Variants in ETF1 observed in about 807,000 individuals in gnomAD.
The protein encoded by ETF1 is eukaryotic peptide chain release factor subunit 1.
A neutral mutation model predicts 55.1 loss-of-function variants in ETF1; 4 were observed. The observed-to-expected ratio is 0.07, with a 90% CI of 0.04 to 0.17. The LOEUF (loss-of-function observed/expected upper bound fraction) is 0.17, where lower values mean the gene tolerates loss of function less well. Among genes scored for constraint, ETF1 ranks in the 10% least tolerant of loss-of-function variants. The pLI is 1.00. For synonymous variants in ETF1, 157 were observed against 182.3 expected (o/e 0.86, Z 1.12); for missense variants, 142 against 523.6 (o/e 0.27, Z 7.11).
intron 2 of ETF1, chr5:138,541,608 T>C: frequency 1.3e-6 from 2 of 1,530,158 alleles, no homozygotes; most frequent in Non-Finnish European, 1.7e-6. Flanking sequence ...ATTCTAAAAT[T>C]GCAAATCTAC....
At chr5:138,529,811 G>T in intron 2 of ETF1, 1 of 628,210 alleles carries the variant, frequency 1.6e-6, no homozygotes, top group Non-Finnish European at 2.0e-6. Flanking sequence ...GGAGTGCAGT[G>T]GCACAATCAC....
chr5:138,542,809 G>A, intron 2 of ETF1, 24 bp downstream of exon 2: 1 of 1,610,992 alleles, frequency 6.2e-7, no homozygotes, highest in Non-Finnish European at 8.5e-7. Context: ...AGAGGGCACG[G>A]AGGGTGCCGG....
chr5:138,523,212 C>CA (rs1158856105), intron 2 of ETF1, among the ~76,000 whole-genome samples: 1 of 150,504 alleles, frequency 6.6e-6, no homozygotes, highest in Non-Finnish European at 1.5e-5. Flanking sequence ...ACTAAAAATA[C>CA]AAAAATTAGC....
intron 2 of ETF1, 152 bp downstream of exon 2, chr5:138,542,681 C>T: frequency 6.9e-7 from 1 of 1,451,098 alleles, no homozygotes; most frequent in Non-Finnish European, 9.1e-7. Context: ...CGCCGACCCT[C>T]GCCCCTGGGT....
chr5:138,541,721 G>A (rs1051047035), intron 2 of ETF1: 63 of 1,134,940 alleles, frequency 5.6e-5, no homozygotes, highest in African/African-American at 9.8e-5. Context: ...TTCTAAGAAT[G>A]CTCAGACATA....
chr5:138,528,778 T>C (rs968427909), intron 2 of ETF1, among the ~76,000 whole-genome samples: 1 of 152,164 alleles, frequency 6.6e-6, no homozygotes, highest in Admixed American at 6.6e-5. Flanking sequence ...TGCAGATTAT[T>C]AAATGGATGG....
intron 2 of ETF1, among the ~76,000 whole-genome samples, chr5:138,523,492 C>G (rs905199688): frequency 3.9e-5 from 6 of 152,114 alleles, no homozygotes; most frequent in Admixed American, 2.0e-4. Context: ...CGAGACCACG[C>G]CACTGCACTC....
At chr5:138,517,842 T>G in intron 3 of ETF1, 142 bp from the exon 4 acceptor site, 1 of 1,290,000 alleles carries the variant, frequency 7.8e-7, no homozygotes, top group Non-Finnish European at 9.9e-7. Context: ...TTGAAATCTC[T>G]CAGGCAGAAC....
intron 2 of ETF1, among the ~76,000 whole-genome samples, chr5:138,526,557 G>T (rs1392286961): frequency 1.3e-5 from 2 of 152,090 alleles, no homozygotes; most frequent in Non-Finnish European, 2.9e-5. Context: ...TGCCCCCCAG[G>T]ATGGAGTCTT....
intron 5 of ETF1, 120 bp downstream of exon 5, chr5:138,513,448 C>T (rs1448349143): frequency 6.7e-6 from 6 of 901,710 alleles, no homozygotes; most frequent in Non-Finnish European, 1.0e-5. Flanking sequence ...TCGTGATCCA[C>T]CCGGCTCGGC....
chr5:138,534,924 G>A (rs1765853793), intron 2 of ETF1, among the ~76,000 whole-genome samples: 1 of 111,084 alleles, frequency 9.0e-6, no homozygotes, highest in Non-Finnish European at 2.3e-5. Flanking sequence ...TATAAGGGGG[G>A]GGGTCAAATG....
At position 138,508,251 on chromosome 5, in the gene ETF1, C is replaced by T; in HGVS notation, c.*54G>A. On this transcript the variant is annotated 3_prime_UTR_variant, in exon 11 of 11. Coordinates refer to ENST00000360541, the MANE Select transcript of ETF1 (RefSeq NM_004730.4). ...TTTGGATTCCACCATGGGTATGCTCCTTGGGTTGGATGCTGGAGGGTGAGG... is the reference window on the plus strand; with the variant it reads ...TTTGGATTCCACCATGGGTATGCTCTTTGGGTTGGATGCTGGAGGGTGAGG... The T allele has an allele frequency of 6.3e-7, 1 of 1,590,636 alleles. No homozygotes were observed. Among genetic ancestry groups the T allele is most frequent in the South Asian group, 1.1e-5 (1 of 88,360 alleles).
At chr5:138,523,064 G>A (rs555245345) in intron 2 of ETF1, among the ~76,000 whole-genome samples, 1 of 151,370 alleles carries the variant, frequency 6.6e-6, no homozygotes, top group East Asian at 2.0e-4. Context: ...AGTAAAAACT[G>A]TCACAAAAGA....
At position 138,518,851 on chromosome 5, in the gene ETF1, T is replaced by C; in HGVS notation, c.103A>G (p.Ile35Val). The stretch of plus-strand genomic sequence containing the variant: ...TCTTTGGGAGGAATGATCAATGATA[T>C]CATGCTGGTGCCATTGCTGTGGAAG... ...EAARGNGTSMISLIIPPKDQI... is the reference protein window; with the variant it reads ...EAARGNGTSMVSLIIPPKDQI... Residue 35 changes from isoleucine to valine, a missense_variant, in exon 3 of 11, where the codon ATA becomes GTA. Ile to Val is a conservative substitution (Grantham distance 29). Coordinates refer to ENST00000360541, the MANE Select transcript of ETF1 (RefSeq NM_004730.4). 6.2e-7 allele frequency: 1 copy of C among 1,613,890 alleles called. No homozygotes were observed. The highest frequency in any genetic ancestry group is 1.1e-5 in the South Asian group (1 of 91,072).
rs747982310 is a variant in ETF1 at position 138,511,389 on chromosome 5, T to TACAC, written c.862+82_862+85dup. On this transcript the variant is annotated intron_variant, in intron 7 of 10. Transcript: ENST00000360541. ...TGTCTCATACATACAATCACGTACA[T>TACAC]ACACACACACACATACACACACACA... The TACAC allele has an allele frequency of 1.5e-3, 2,066 of 1,411,798 alleles. 41 individuals carry two copies. In the African/African-American group the frequency reaches 0.034, roughly 23 times the overall value. The allele number at this position is 1,411,798 out of a possible 1,614,324, so 87.5% of individuals were successfully genotyped here. A position where few individuals can be genotyped will look rare whatever the true frequency, so the allele number is the denominator to read the frequency against.
intron 2 of ETF1, among the ~76,000 whole-genome samples, chr5:138,527,165 G>A (rs563131193): frequency 6.6e-6 from 1 of 152,294 alleles, no homozygotes; most frequent in East Asian, 1.9e-4. Context: ...CTAACTAGAT[G>A]AGCTGGCTGT....
At chr5:138,542,151 GATTC>G (rs750895982) in intron 2 of ETF1, among the ~76,000 whole-genome samples, 3 of 152,154 alleles carry the variant, frequency 2.0e-5, no homozygotes, top group Non-Finnish European at 2.9e-5. Context: ...TACACATGCA[GATTC>G]ATTAACCAAA....
intron 2 of ETF1, chr5:138,519,200 G>GA: frequency 4.1e-6 from 4 of 985,054 alleles, no homozygotes; most frequent in Non-Finnish European, 4.8e-6. Flanking sequence ...ATTTGGTAGT[G>GA]AATCTGTCCG....
chr5:138,542,946 C>G lies in ETF1; in HGVS notation c.-18-10G>C, dbSNP rs956659169. ...TCTCGCCTCCTCCTCCCTAGAGCGG[C>G]CCGGCGGGGCCCGGAGACACCAAGA... On this transcript the variant is annotated splice_polypyrimidine_tract_variant and intron_variant, in intron 1 of 10. Coordinates refer to ENST00000360541, the MANE Select transcript of ETF1 (RefSeq NM_004730.4). The G allele has an allele frequency of 3.1e-6, 5 of 1,611,508 alleles. No individual in the cohort carries two copies. In the African/African-American group the frequency reaches 6.7e-5, roughly 22 times the overall value.
Sources: allele counts gnomAD v4.1 joint callset (sites outside exome capture counted in the v4.1 genomes callset), GRCh38; gene constraint gnomAD v4.1.1; transcripts MANE v1.5; gene names NCBI Gene and HGNC (gene_info 2026-07-23, HGNC 2026-07-21).